Variants in SLC9A9 observed in about 807,000 individuals in gnomAD.
SLC9A9 encodes solute carrier family 9 member A9.
In SLC9A9, 62 loss-of-function variants were observed where a neutral mutation model predicts 77.8. The observed-to-expected ratio is 0.80, with a 90% CI of 0.65 to 0.98. The LOEUF (loss-of-function observed/expected upper bound fraction) is 0.98, where lower values mean the gene tolerates loss of function less well. Among genes scored for constraint, SLC9A9 ranks in the 50% least tolerant of loss-of-function variants. The pLI is 0.00. For synonymous variants in SLC9A9, 320 were observed against 283.5 expected, an observed-to-expected ratio of 1.13 and a Z score of -1.29; for missense variants, 775 against 774.9, an observed-to-expected ratio of 1.00 and a Z score of 0.00.
intron 6 of SLC9A9, among the ~76,000 whole-genome samples, chr3:143,648,940 G>C (rs910887667): frequency 1.3e-5 from 2 of 152,190 alleles, no homozygotes; most frequent in Admixed American, 6.5e-5. Flanking sequence ...GTTGAGCGAA[G>C]AAAGATTCCT....
chr3:143,383,971 A>G (rs2033361592), intron 12 of SLC9A9, among the ~76,000 whole-genome samples: 1 of 152,228 alleles, frequency 6.6e-6, no homozygotes, highest in Non-Finnish European at 1.5e-5. Flanking sequence ...CTGGACATGA[A>G]TAGCCCCATC....
chr3:143,492,670 A>G lies in SLC9A9; in HGVS notation c.1315+983T>C, dbSNP rs138524111. On this transcript the variant is annotated intron_variant, in intron 11 of 15. Transcript: ENST00000316549. ...TGAGATCCTGAACCTCAGTTTCTTC[A>G]TCTACAAAATGTGTTAATACTTGCT... is the stretch of plus-strand genomic sequence containing the variant. Among the ~76,000 whole-genome samples the G allele has an allele frequency of 9.8e-5, 15 of 152,358 alleles. No homozygotes were observed. The East Asian group carries it at 2.9e-3, about 29-fold the overall frequency.
chr3:143,434,558 G>C (rs778179723), intron 12 of SLC9A9, among the ~76,000 whole-genome samples: 4 of 152,120 alleles, frequency 2.6e-5, no homozygotes, highest in African/African-American at 4.8e-5. Flanking sequence ...CAGCCAGTCT[G>C]AGGGCACAGG....
intron 12 of SLC9A9, among the ~76,000 whole-genome samples, chr3:143,396,448 T>C (rs2033732036): frequency 6.6e-6 from 1 of 151,990 alleles, no homozygotes; most frequent in Non-Finnish European, 1.5e-5. Flanking sequence ...TGTTGTGGGT[T>C]GGGGGGCTGG....
intron 14 of SLC9A9, among the ~76,000 whole-genome samples, chr3:143,353,665 GC>G (rs1350579783): frequency 5.9e-5 from 9 of 152,098 alleles, no homozygotes; most frequent in Non-Finnish European, 1.2e-4. Context: ...AGCATTGGTG[GC>G]TGGTGCCACC....
At chr3:143,366,063 G>A (rs2032891328) in intron 13 of SLC9A9, among the ~76,000 whole-genome samples, 3 of 152,170 alleles carry the variant, frequency 2.0e-5, no homozygotes, top group Non-Finnish European at 1.5e-5. Flanking sequence ...AGGAATGAGA[G>A]CAAATTCCCA....
intron 8 of SLC9A9, among the ~76,000 whole-genome samples, chr3:143,563,793 C>T (rs1452698765): frequency 3.3e-5 from 5 of 152,178 alleles, no homozygotes; most frequent in African/African-American, 1.2e-4. Context: ...TAGATGACCT[C>T]TCAGCACCTT....
rs114025546 is a variant in SLC9A9, at chr3:143,748,216, T to A, written c.533+46785A>T. ...TGGTGACTTGCCGTAGAACTTTAGATATTCAGGCCCATGATATGCGGGCTC... is the reference window on the plus strand; with the variant it reads ...TGGTGACTTGCCGTAGAACTTTAGAAATTCAGGCCCATGATATGCGGGCTC... On this transcript the variant is annotated intron_variant, in intron 4 of 15. Coordinates refer to ENST00000316549, the MANE Select transcript of SLC9A9 (RefSeq NM_173653.4). Among the ~76,000 whole-genome samples, 502 of 152,348 alleles carry A rather than the reference T, an allele frequency of 3.3e-3. 5 individuals carry two copies. The highest frequency in any genetic ancestry group is 0.011 in the African/African-American group (471 of 41,582).
intron 6 of SLC9A9, among the ~76,000 whole-genome samples, chr3:143,634,129 G>A (rs2038472621): frequency 6.7e-6 from 1 of 148,620 alleles, no homozygotes; most frequent in Non-Finnish European, 1.5e-5. Context: ...TTCTGCCTAT[G>A]TGCTCCCATA....
At position 143,405,512 on chromosome 3, in the gene SLC9A9, C is replaced by G. The variant is rs1008745754; in HGVS notation, c.1470-23398G>C. ...TCTCAGTTTTTCCCTCCTGAAATGG[C>G]ACCTCTGTCTATGAGTAGAAGCTGA... On this transcript the variant is annotated intron_variant, in intron 12 of 15. Transcript: ENST00000316549. Among the ~76,000 whole-genome samples, 25 of 152,272 alleles carry G rather than the reference C, an allele frequency of 1.6e-4. No homozygotes were observed. The East Asian group carries it at 4.4e-3, about 27-fold the overall frequency.
intron 14 of SLC9A9, among the ~76,000 whole-genome samples, chr3:143,305,725 C>T (rs1400184663): frequency 6.6e-6 from 1 of 152,108 alleles, no homozygotes; most frequent in African/African-American, 2.4e-5. Flanking sequence ...CTATTTAAAG[C>T]CCCTCACCAA....
intron 5 of SLC9A9, among the ~76,000 whole-genome samples, chr3:143,666,132 C>T (rs1439511569): frequency 6.6e-6 from 1 of 152,168 alleles, no homozygotes; most frequent in African/African-American, 2.4e-5. Context: ...AAAGCTTATC[C>T]ACCACGATCA....
At chr3:143,427,947 C>A (rs1271415408) in intron 12 of SLC9A9, among the ~76,000 whole-genome samples, 1 of 152,106 alleles carries the variant, frequency 6.6e-6, no homozygotes, top group African/African-American at 2.4e-5. Flanking sequence ...TCGAAAGGAA[C>A]TAAAGACTTA....
chr3:143,592,706 C>G (rs1242569665), intron 6 of SLC9A9, among the ~76,000 whole-genome samples: 2 of 152,120 alleles, frequency 1.3e-5, no homozygotes, highest in Non-Finnish European at 2.9e-5. Flanking sequence ...ACTTTCTATT[C>G]ATGATGTAAA....
At chr3:143,374,518 C>T (rs1212384196) in intron 13 of SLC9A9, among the ~76,000 whole-genome samples, 7 of 150,488 alleles carry the variant, frequency 4.7e-5, no homozygotes, top group Non-Finnish European at 1.0e-4. Context: ...AGACAACCAT[C>T]AAACCAGAAT....
chr3:143,626,338 TCA>T (rs551689111), intron 6 of SLC9A9, among the ~76,000 whole-genome samples: 52 of 152,250 alleles, frequency 3.4e-4, no homozygotes, highest in Non-Finnish European at 5.9e-4. Flanking sequence ...GCGGCACTAT[TCA>T]CAGTCACAAA....
intron 1 of SLC9A9, among the ~76,000 whole-genome samples, chr3:143,840,787 C>T (rs144952774): frequency 1.3e-5 from 2 of 152,066 alleles, no homozygotes; most frequent in African/African-American, 4.8e-5. Flanking sequence ...ACGACTGCAG[C>T]CAGAATTTGA....
chr3:143,634,143 C>CTTTTTTTTTTTTTTTTTTTTTT (rs1164545805), intron 6 of SLC9A9, among the ~76,000 whole-genome samples: 2 of 147,966 alleles, frequency 1.4e-5, no homozygotes, highest in African/African-American at 5.3e-5. Context: ...TCCCATAATC[C>CTTTTTTTTTTTTTTTTTTTTTT]TTTCTTTAAG....
intron 12 of SLC9A9, among the ~76,000 whole-genome samples, chr3:143,405,444 C>T (rs2033956558): frequency 6.6e-6 from 1 of 152,150 alleles, no homozygotes; most frequent in African/African-American, 2.4e-5. Flanking sequence ...ATACTCTACC[C>T]TCTGAGCAGA....
Sources: gnomAD v4.1 joint callset for allele counts (sites outside exome capture counted in the v4.1 genomes callset) on GRCh38, gnomAD v4.1.1 for gene constraint, MANE v1.5 for transcripts, NCBI Gene and HGNC (gene_info 2026-07-23, HGNC 2026-07-21) for gene names.